The following ARHGAP29 variants were observed in gnomAD, a reference collection of about 807,000 sequenced individuals.
ARHGAP29 encodes the protein Rho GTPase activating protein 29.
Under a neutral mutation model 122.6 loss-of-function variants are expected in ARHGAP29, and 43 were observed. The observed-to-expected ratio is 0.35, with a 90% CI of 0.27 to 0.45. ARHGAP29 has a LOEUF of 0.45. ARHGAP29 is among the 20% of genes least tolerant of loss of function. ARHGAP29 has a pLI of 1.00. For synonymous variants in ARHGAP29, 506 were observed against 497.1 expected, an observed-to-expected ratio of 1.02 and a Z score of -0.24; for missense variants, 1,303 against 1,477.2, an observed-to-expected ratio of 0.88 and a Z score of 1.93.
At chr1:94,226,105 A>C (rs1015094836) in intron 2 of ARHGAP29, among the ~76,000 whole-genome samples, 3 of 152,002 alleles carry the variant, frequency 2.0e-5, no homozygotes, top group Non-Finnish European at 4.4e-5. Context: ...TTAAAAAAAA[A>C]ACTGACAATA....
At chr1:94,214,869 A>G (rs1403775920) in intron 3 of ARHGAP29, among the ~76,000 whole-genome samples, 2 of 152,212 alleles carry the variant, frequency 1.3e-5, no homozygotes, top group Non-Finnish European at 2.9e-5. Context: ...GAAAAAATAC[A>G]TATTGCATCA....
chr1:94,290,416 A>G, the ARHGAP29 span, among the ~76,000 whole-genome samples: 3 of 151,938 alleles, frequency 2.0e-5, no homozygotes, highest in Non-Finnish European at 4.4e-5. Context: ...TTGTGTCTGT[A>G]TCTCCTTCAG....
chr1:94,234,398 G>A (rs1317577394), intron 1 of ARHGAP29, among the ~76,000 whole-genome samples: 1 of 152,130 alleles, frequency 6.6e-6, no homozygotes, highest in South Asian at 2.1e-4. Flanking sequence ...CTCTAAAATG[G>A]TATGTTTCAA....
the ARHGAP29 span, among the ~76,000 whole-genome samples, chr1:94,298,997 C>G: frequency 6.6e-6 from 1 of 152,210 alleles, no homozygotes. Context: ...TGGAACATAT[C>G]TTTGTTTGAG....
chr1:94,189,095 T>G (rs1002416721), intron 14 of ARHGAP29, 121 bp downstream of exon 14: 1 of 1,383,258 alleles, frequency 7.2e-7, no homozygotes, highest in Non-Finnish European at 9.8e-7. Context: ...GTGAATAAGA[T>G]CTCATAAACT....
intron 12 of ARHGAP29, chr1:94,192,482 C>T (rs1277200631): frequency 6.6e-6 from 1 of 152,080 alleles, no homozygotes; most frequent in East Asian, 1.9e-4. Flanking sequence ...GAAGAAAACT[C>T]CCTGGTTTCT....
At chr1:94,298,694 C>T in the ARHGAP29 span, among the ~76,000 whole-genome samples, 1 of 151,970 alleles carries the variant, frequency 6.6e-6, no homozygotes, top group African/African-American at 2.4e-5. Context: ...TGGTTAAGGA[C>T]CTATAATGCT....
chr1:94,237,011 G>A (rs1557881406), intron 1 of ARHGAP29, among the ~76,000 whole-genome samples: 2 of 152,212 alleles, frequency 1.3e-5, no homozygotes, highest in Non-Finnish European at 2.9e-5. Flanking sequence ...TTTAACCTCG[G>A]TTTCCCCGTG....
intron 2 of ARHGAP29, among the ~76,000 whole-genome samples, chr1:94,227,273 C>G (rs1395358594): frequency 6.6e-6 from 1 of 151,624 alleles, no homozygotes; most frequent in Non-Finnish European, 1.5e-5. Flanking sequence ...GCATTATTTT[C>G]TTTATAAATA....
At chr1:94,286,093 G>T in the ARHGAP29 span, among the ~76,000 whole-genome samples, 1 of 152,104 alleles carries the variant, frequency 6.6e-6, no homozygotes, top group African/African-American at 2.4e-5. Flanking sequence ...AGTTATGAGG[G>T]CTGGAAGTCT....
chr1:94,203,988 T>G lies in ARHGAP29; in HGVS notation c.704A>C (p.Glu235Ala). The change falls in exon 8 of 23, where the codon GAG (glutamate) becomes GCG (alanine). Residue 235 changes from glutamate to alanine, a missense_variant. This residue lies in a region of ARHGAP29 where 592 missense variants were observed against 648.2 expected (regional missense o/e 0.91). Coordinates refer to ENST00000260526, the MANE Select transcript of ARHGAP29 (RefSeq NM_004815.4). ...CAACTTGACCATATTTCTAGTGGACTCCAATTCTGAAAAGTTCAAAGAGGG... is the reference window on the plus strand; with the variant it reads ...CAACTTGACCATATTTCTAGTGGACGCCAATTCTGAAAAGTTCAAAGAGGG... Reference protein sequence around the residue: ...WVEKKLNLELESTRNMVKLAE... With the variant: ...WVEKKLNLELASTRNMVKLAE... The G allele has an allele frequency of 6.2e-7, 1 of 1,613,680 alleles. No individual in the cohort carries two copies. The highest frequency in any genetic ancestry group is 1.1e-5 in the South Asian group (1 of 91,058).
upstream of ARHGAP29, among the ~76,000 whole-genome samples, chr1:94,240,804 C>T (rs1376309888): frequency 6.6e-6 from 1 of 152,174 alleles, no homozygotes; most frequent in Non-Finnish European, 1.5e-5. Context: ...CTCATGTGTT[C>T]TCTTCAAAAT....
At chr1:94,294,431 C>T in the ARHGAP29 span, among the ~76,000 whole-genome samples, 10 of 152,106 alleles carry the variant, frequency 6.6e-5, no homozygotes, top group Non-Finnish European at 1.0e-4. Context: ...TACAGGCACA[C>T]GCCATAGCAC....
At position 94,191,635 on chromosome 1, in the gene ARHGAP29, C is replaced by T. The variant is rs950232592; in HGVS notation, c.1282-1552G>A. 5 of 152,138 alleles carry T rather than the reference C, an allele frequency of 3.3e-5. 1 individual carries two copies. The highest frequency in any genetic ancestry group is 2.6e-4 in the Admixed American group (4 of 15,262). The allele number at this position is 152,138 out of a possible 1,614,324, so 9.4% of individuals were successfully genotyped here. On this transcript the variant is annotated intron_variant, in intron 12 of 22. Coordinates refer to ENST00000260526, the MANE Select transcript of ARHGAP29 (RefSeq NM_004815.4). ...CTCTTGATCCTAAAGGTAACTTGCA[C>T]GCTAGGTGACCTTCATCAAGTTATT... is the stretch of plus-strand genomic sequence containing the variant.
the ARHGAP29 span, among the ~76,000 whole-genome samples, chr1:94,298,951 T>G: frequency 6.6e-6 from 1 of 152,198 alleles, no homozygotes; most frequent in African/African-American, 2.4e-5. Context: ...TTGCATTGGG[T>G]GGAGGCCCTG....
chr1:94,253,537 A>G (rs1654199442), intron 1 of ARHGAP29, among the ~76,000 whole-genome samples: 1 of 152,192 alleles, frequency 6.6e-6, no homozygotes, highest in South Asian at 2.1e-4. Context: ...TTATTGTACT[A>G]AAAATTATGG....
intron 1 of ARHGAP29, among the ~76,000 whole-genome samples, chr1:94,258,493 C>A (rs1453063306): frequency 1.3e-5 from 2 of 152,190 alleles, no homozygotes; most frequent in East Asian, 3.9e-4. Flanking sequence ...CTAGCTGATA[C>A]CACAGTGTTC....
chr1:94,223,127 G>C (rs1193488593), intron 2 of ARHGAP29, among the ~76,000 whole-genome samples: 1 of 152,086 alleles, frequency 6.6e-6, no homozygotes, highest in Non-Finnish European at 1.5e-5. Flanking sequence ...TGTATTTTTA[G>C]TAGAGACGGG....
the ARHGAP29 span, among the ~76,000 whole-genome samples, chr1:94,289,820 C>G: frequency 6.6e-6 from 1 of 152,176 alleles, no homozygotes; most frequent in Admixed American, 6.5e-5. Context: ...GTTGAACCAG[C>G]CTTACATCCC....
Sources: gnomAD v4.1 joint callset for allele counts (sites outside exome capture counted in the v4.1 genomes callset) on GRCh38, gnomAD v4.1.1 for gene constraint, gnomAD v4.1.1 regional missense constraint, MANE v1.5 for transcripts, NCBI Gene and HGNC (gene_info 2026-07-23, HGNC 2026-07-21) for gene names.